Variants in PRDM16 observed in about 807,000 individuals in gnomAD.
The protein encoded by PRDM16 is histone-lysine N-methyltransferase PRDM16.
In PRDM16, 23 loss-of-function variants were observed where a neutral mutation model predicts 110.6. The ratio of observed to expected loss-of-function variants is 0.21; its 90% CI spans 0.15 to 0.29. PRDM16 has a LOEUF of 0.29. PRDM16 is among the 10% of genes least tolerant of loss of function. PRDM16 has a pLI of 1.00. For synonymous variants in PRDM16, 799 were observed against 781.8 expected (o/e 1.02, Z -0.37); for missense variants, 1,615 against 1,794.3 (o/e 0.90, Z 1.81).
chr1:3,216,671 G>A (rs1569861934), intron 2 of PRDM16, among the ~76,000 whole-genome samples: 1 of 152,268 alleles, frequency 6.6e-6, no homozygotes. Context: ...TGGGGCAGGA[G>A]TCAGGAGCCA....
At chr1:3,348,716 A>G (rs1049890475) in intron 3 of PRDM16, among the ~76,000 whole-genome samples, 7 of 152,138 alleles carry the variant, frequency 4.6e-5, no homozygotes, top group African/African-American at 1.7e-4. Flanking sequence ...TCAGTTCTTC[A>G]CAGGAACAGT....
intron 3 of PRDM16, among the ~76,000 whole-genome samples, chr1:3,257,541 CTT>C (rs1364455604): frequency 6.6e-6 from 1 of 151,692 alleles, no homozygotes; most frequent in Non-Finnish European, 1.5e-5. Flanking sequence ...AAAAATAAGA[CTT>C]TGTTACTTGG....
chr1:3,233,000 T>G (rs1244576165), intron 2 of PRDM16, among the ~76,000 whole-genome samples: 9 of 152,238 alleles, frequency 5.9e-5, no homozygotes, highest in Non-Finnish European at 1.0e-4. Flanking sequence ...ATTCATATGA[T>G]TCTGTCAATT....
intron 2 of PRDM16, among the ~76,000 whole-genome samples, chr1:3,228,047 C>G (rs1639332222): frequency 6.6e-6 from 1 of 152,230 alleles, no homozygotes. Flanking sequence ...AAAGCGAGAT[C>G]TTTAAGACAA....
At chr1:3,153,416 T>C (rs1643810311) in intron 1 of PRDM16, among the ~76,000 whole-genome samples, 1 of 152,186 alleles carries the variant, frequency 6.6e-6, no homozygotes, top group African/African-American at 2.4e-5. Context: ...GGCAAAGTGG[T>C]CCATGTGCGG....
intron 1 of PRDM16, among the ~76,000 whole-genome samples, chr1:3,114,515 C>CAT (rs1394166907): frequency 2.6e-5 from 4 of 151,682 alleles, no homozygotes; most frequent in Admixed American, 2.0e-4. Flanking sequence ...TGCACACACA[C>CAT]ATGAACACAC....
intron 3 of PRDM16, among the ~76,000 whole-genome samples, chr1:3,248,971 T>C (rs28708839): frequency 6.6e-6 from 1 of 152,300 alleles, no homozygotes; most frequent in East Asian, 1.9e-4. Context: ...AGGCAACTGC[T>C]AAGTGTCTTT....
chr1:3,140,931 A>G (rs901936221), intron 1 of PRDM16, among the ~76,000 whole-genome samples: 8 of 152,172 alleles, frequency 5.3e-5, no homozygotes. Context: ...GAGAAGGGGC[A>G]CGACATGGCT....
At chr1:3,277,187 C>A (rs1640605216) in intron 3 of PRDM16, among the ~76,000 whole-genome samples, 2 of 152,220 alleles carry the variant, frequency 1.3e-5, no homozygotes, top group African/African-American at 4.8e-5. Flanking sequence ...GAGGCTGGGC[C>A]TGTGCTCAGG....
intron 1 of PRDM16, among the ~76,000 whole-genome samples, chr1:3,113,701 C>T (rs146942423): frequency 1.3e-5 from 2 of 152,338 alleles, no homozygotes; most frequent in Non-Finnish European, 2.9e-5. Flanking sequence ...CCCCTCAGAG[C>T]TGACCACCAA....
chr1:3,274,239 G>A (rs971241830), intron 3 of PRDM16, among the ~76,000 whole-genome samples: 3 of 152,134 alleles, frequency 2.0e-5, no homozygotes, highest in African/African-American at 4.8e-5. Flanking sequence ...TCTCTGAAAT[G>A]GTACCTAAAT....
At chr1:3,296,741 T>G (rs1296903931) in intron 3 of PRDM16, among the ~76,000 whole-genome samples, 5 of 152,246 alleles carry the variant, frequency 3.3e-5, no homozygotes, top group African/African-American at 1.2e-4. Flanking sequence ...GAGGGCTGAT[T>G]TGTTTTCAGA....
intron 1 of PRDM16, among the ~76,000 whole-genome samples, chr1:3,172,893 C>T (rs1346462871): frequency 6.6e-6 from 1 of 152,210 alleles, no homozygotes; most frequent in Non-Finnish European, 1.5e-5. Flanking sequence ...CATGAATGTG[C>T]TTAATGCCAC....
At position 3,411,715 on chromosome 1, in the gene PRDM16, G is replaced by C. The variant is rs368589754; in HGVS notation, c.1518G>C (p.Thr506=). 5 of 1,610,050 alleles carry C rather than the reference G, an allele frequency of 3.1e-6. No homozygotes were observed. In the Admixed American group the frequency reaches 8.4e-5, roughly 27 times the overall value. ...TGCCCTTCTCCACGGCGCCTCCCAC[G>C]TTCCCCGCACTCACCCCCGGCTTCC... The part of the protein sequence containing the change: ...GSLPFSTAPP[T]FPALTPGFPG... The change falls in exon 9 of 17, where the codon ACG becomes ACC. Residue 506 remains threonine (T), a synonymous_variant. Transcript: ENST00000270722.
At chr1:3,087,651 C>T (rs966285458) in intron 1 of PRDM16, among the ~76,000 whole-genome samples, 2 of 152,166 alleles carry the variant, frequency 1.3e-5, no homozygotes, top group Non-Finnish European at 2.9e-5. Context: ...TTTCCTTGGA[C>T]GTGACCAAGG....
In PRDM16 at chr1:3,209,519, G is replaced by C. The variant is rs1049096606; in HGVS notation, c.387+23045G>C. ...CAGGCCTGGGTGTGGAATAGGCCTC[G>C]CTGGGAGGCCGTGGTTCTGCTCCTG... is the stretch of plus-strand genomic sequence containing the variant. On this transcript the variant is annotated intron_variant, in intron 2 of 16. Transcript: ENST00000270722. This position sits in a 1 kb window ranked among gnomAD's most constrained non-coding sequence, Gnocchi z 4.6. Among the ~76,000 whole-genome samples the C allele has an allele frequency of 6.6e-6, 1 of 152,196 alleles. No individual in the cohort carries two copies. The highest frequency in any genetic ancestry group is 1.5e-5 in the Non-Finnish European group (1 of 68,034).
At chr1:3,136,911 A>T (rs1056705126) in intron 1 of PRDM16, among the ~76,000 whole-genome samples, 5 of 152,170 alleles carry the variant, frequency 3.3e-5, no homozygotes, top group African/African-American at 4.8e-5. Context: ...TGGAACTTGG[A>T]GTTATAAACA....
At chr1:3,170,385 C>T (rs528869986) in intron 1 of PRDM16, among the ~76,000 whole-genome samples, 1 of 152,356 alleles carries the variant, frequency 6.6e-6, no homozygotes, top group East Asian at 1.9e-4. Flanking sequence ...AGGCTGCTCT[C>T]CCCACCCCTC....
At chr1:3,145,198 G>A (rs1425733273) in intron 1 of PRDM16, among the ~76,000 whole-genome samples, 1 of 152,196 alleles carries the variant, frequency 6.6e-6, no homozygotes, top group Non-Finnish European at 1.5e-5. Context: ...CCCCTCTTTG[G>A]GTTTGAGCTC....
Sources: allele counts gnomAD v4.1 joint callset (sites outside exome capture counted in the v4.1 genomes callset), GRCh38; gene constraint gnomAD v4.1.1; non-coding constraint Gnocchi (gnomAD v3.1); transcripts MANE v1.5; gene names NCBI Gene and HGNC (gene_info 2026-07-23, HGNC 2026-07-21).